The following RASAL3 variants were observed in gnomAD, a reference collection of about 807,000 sequenced individuals.
RASAL3 encodes RAS protein activator like-3.
A neutral mutation model predicts 105.5 loss-of-function variants in RASAL3; 74 were observed. That is an observed-to-expected ratio of 0.70 (90% CI 0.58 to 0.85). The LOEUF (loss-of-function observed/expected upper bound fraction) is 0.85. Ranked by LOEUF, RASAL3 falls within the 40% of genes least tolerant of loss-of-function variation. The pLI is 0.00. For missense variants in RASAL3, 1,352 were observed against 1,392.0 expected (o/e 0.97, Z 0.46); for synonymous variants, 579 against 591.6 (o/e 0.98, Z 0.31).
Position 15,452,716 on chromosome 19 carries a change from C to A in RASAL3, c.2770G>T (p.Glu924Ter). The A allele has an allele frequency of 6.4e-7, 1 of 1,554,586 alleles. No homozygotes were observed. Among genetic ancestry groups the A allele is most frequent in the Non-Finnish European group, 8.7e-7 (1 of 1,148,876 alleles). ...SLSTQIRALT[E>*]QQEQLRGQLQ... ...TGGCCCCGCAGCTGCTCCTGCTGCT[C>A]CGTCAAGGCCCGGATTTGGGTGCTC... is the stretch of plus-strand genomic sequence containing the variant. Residue 924 changes from glutamate (E) to a stop codon, truncating the protein, a stop_gained, in exon 16 of 18, where the codon GAG becomes TAG. Transcript: ENST00000343625. LOFTEE classifies it high-confidence loss of function.
chr19:15,464,225 C>T lies in RASAL3; in HGVS notation c.134G>A (p.Gly45Asp). The T allele has an allele frequency of 6.2e-7, 1 of 1,609,130 alleles. No individual in the cohort carries two copies. Residue 45 changes from glycine (G) to aspartate (D), a missense_variant, in exon 2 of 18, where the codon GGC becomes GAC. Gly to Asp is a moderately conservative substitution (Grantham distance 94). Transcript: ENST00000343625. ...AGGFRWGRFA[G>D]WGRALSHQEP... The stretch of plus-strand genomic sequence containing the variant: ...CTGGTGGCTCAGGGCCCTGCCCCAG[C>T]CAGCAAAGCGGCCCCAGCGGAACCC...
chr19:15,454,946 G>A, intron 11 of RASAL3, 53 bp from the exon 12 acceptor site: 1 of 1,376,566 alleles, frequency 7.3e-7, no homozygotes, highest in Non-Finnish European at 9.8e-7. Context: ...GGGCATAAAG[G>A]TTAAAGTCAT....
Position 15,458,571 on chromosome 19 carries a change from C to T in RASAL3, c.747G>A (p.Trp249Ter), listed in dbSNP as rs767427724. 2 of 1,613,680 alleles carry T rather than the reference C, an allele frequency of 1.2e-6. No homozygotes were observed. The highest frequency in any genetic ancestry group is 1.1e-5 in the South Asian group (1 of 91,018). The change falls in exon 7 of 18, where the codon TGG (tryptophan) becomes TGA (stop). Residue 249 changes from tryptophan to a stop codon, truncating the protein, a stop_gained. Coordinates refer to ENST00000343625, the MANE Select transcript of RASAL3 (RefSeq NM_022904.3). LOFTEE classifies it high-confidence loss of function. ...CCCCCAGGAGGCTGGGGTGCAGTGG[C>T]CAGATCCGCACATCCCGCTCGGCAC... is the stretch of plus-strand genomic sequence containing the variant. ...DLGAERDVRI[W>*]PLHPSLLGEP...
Position 15,454,172 on chromosome 19 carries a change from CAGTGGGAG to C in RASAL3, c.2248_2255del (p.Leu750AlafsTer151). On this transcript the variant is annotated frameshift_variant, in exon 14 of 18. Coordinates refer to ENST00000343625, the MANE Select transcript of RASAL3 (RefSeq NM_022904.3). LOFTEE classifies it high-confidence loss of function. ...ACCTGGAGTGGACCTGGGCCGGGGG[CAGTGGGAG>C]ACGCATTGGCACTGACACAAGCACA... 6.4e-7 allele frequency: 1 copy of C among 1,565,740 alleles called. No individual in the cohort carries two copies. Among genetic ancestry groups the C allele is most frequent in the Non-Finnish European group, 8.7e-7 (1 of 1,154,814 alleles).
Position 15,457,748 on chromosome 19 carries a change from G to C in RASAL3, c.975C>G (p.Gly325=). 2 of 1,543,250 alleles carry C rather than the reference G, an allele frequency of 1.3e-6. No homozygotes were observed. Among genetic ancestry groups the C allele is most frequent in the Non-Finnish European group, 1.7e-6 (2 of 1,144,538 alleles). The change falls in exon 9 of 18, where the codon GGC becomes GGG. Residue 325 remains glycine, a synonymous_variant. Transcript: ENST00000343625. The surrounding 1 kb of genome is among the most constrained non-coding windows in gnomAD (Gnocchi z 8.6). ...GLPRAAAGAP[G]VRAELWLDGA... ...CATCCAGCCACAGCTCGGCGCGCAC[G>C]CCGGGTGCCCCCGCCGCTGCTCGGG... is the stretch of plus-strand genomic sequence containing the variant.
In RASAL3 at chr19:15,456,235, C is replaced by A; in HGVS notation, c.1590G>T (p.Arg530=). The change falls in exon 11 of 18, where the codon CGG becomes CGT. Residue 530 remains arginine (R), a synonymous_variant. Transcript: ENST00000343625. This position sits in a 1 kb window ranked among gnomAD's most constrained non-coding sequence, Gnocchi z 4.4. ...YLQETLGQVV[R]RLCASTEDCE... ...AGTCCTCAGTAGAAGCACAGAGACGCCGCACAACCTGTCCTGCAGCCCAGC... is the reference window on the plus strand; with the variant it reads ...AGTCCTCAGTAGAAGCACAGAGACGACGCACAACCTGTCCTGCAGCCCAGC... The A allele has an allele frequency of 6.2e-7, 1 of 1,613,742 alleles. No homozygotes were observed. Among genetic ancestry groups the A allele is most frequent in the Non-Finnish European group, 8.5e-7 (1 of 1,179,756 alleles).
chr19:15,457,598 CG>C lies in RASAL3; in HGVS notation c.1124del (p.Pro375ArgfsTer106). 7.5e-7 allele frequency: 1 copy of C among 1,330,736 alleles called. No homozygotes were observed. Among genetic ancestry groups the C allele is most frequent in the Non-Finnish European group, 9.6e-7 (1 of 1,037,600 alleles). The allele number at this position is 1,330,736 out of a possible 1,614,324, so 82.4% of individuals were successfully genotyped here. A position where few individuals can be genotyped will look rare whatever the true frequency, so the allele number is the denominator to read the frequency against. On this transcript the variant is annotated frameshift_variant, in exon 9 of 18. Coordinates refer to ENST00000343625, the MANE Select transcript of RASAL3 (RefSeq NM_022904.3). LOFTEE classifies it high-confidence loss of function. This position sits in a 1 kb window ranked among gnomAD's most constrained non-coding sequence, Gnocchi z 8.6. ...RLSLRLRGLGPGSAVLGRVAL... is the reference protein window; with the variant it reads ...RLSLRLRGLGXGSAVLGRVAL... ...CCACGCGGCCCAGCACCGCGCTTCC[CG>C]GGCCCAAGCCGCGCAGCCGCAGCGA...
Position 15,457,465 on chromosome 19 carries a change from G to A in RASAL3, c.1258C>T (p.Arg420Trp). 7.3e-6 allele frequency: 10 copies of A among 1,368,298 alleles called. No individual in the cohort carries two copies. Among genetic ancestry groups the A allele is most frequent in the Non-Finnish European group, 9.4e-6 (10 of 1,061,048 alleles). The allele number at this position is 1,368,298 out of a possible 1,614,324, so 84.8% of individuals were successfully genotyped here. Residue 420 changes from arginine (R) to tryptophan (W), a missense_variant, in exon 9 of 18, where the codon CGG (arginine) becomes TGG (tryptophan). Arg to Trp is a moderately radical substitution (Grantham distance 101). This residue lies in a region of RASAL3 where 920 missense variants were observed against 919.6 expected (regional missense o/e 1.00). Coordinates refer to ENST00000343625, the MANE Select transcript of RASAL3 (RefSeq NM_022904.3). The surrounding 1 kb of genome is among the most constrained non-coding windows in gnomAD (Gnocchi z 8.6). The stretch of plus-strand genomic sequence containing the variant: ...GGCAGCACGCGCAGGCGACGCGCCC[G>A]AATCCGCGCCCGCAGCGCTGCGCCC... ...PAGAALRARI[R>W]ARRLRVLPSE...
At position 15,453,692 on chromosome 19, in the gene RASAL3, C is replaced by T. The variant is rs1970231328; in HGVS notation, c.2280-195G>A. 6.6e-6 allele frequency among the ~76,000 whole-genome samples: 1 copy of T among 151,878 alleles called. No individual in the cohort carries two copies. Among genetic ancestry groups the T allele is most frequent in the African/African-American group, 2.4e-5 (1 of 41,314 alleles). ...CTCACTGCAGCCTTGAATTCTGGAG[C>T]TCAAGCTATTCCCCAGCCTCAGCCT... On this transcript the variant is annotated intron_variant, in intron 14 of 17. Coordinates refer to ENST00000343625, the MANE Select transcript of RASAL3 (RefSeq NM_022904.3). The surrounding 1 kb of genome is among the most constrained non-coding windows in gnomAD (Gnocchi z 4.2).
At position 15,454,282 on chromosome 19, in the gene RASAL3, AG is replaced by A; in HGVS notation, c.2161-16del. The A allele has an allele frequency of 2.6e-6, 4 of 1,564,616 alleles. No homozygotes were observed. The highest frequency in any genetic ancestry group is 3.5e-6 in the Non-Finnish European group (4 of 1,154,144). ...TCTCGGGTTGTCTGGTGAGGCATGC[AG>A]GACAGAGACTGAGCAAAGTCTCCAG... On this transcript the variant is annotated splice_polypyrimidine_tract_variant and intron_variant, in intron 13 of 17. Coordinates refer to ENST00000343625, the MANE Select transcript of RASAL3 (RefSeq NM_022904.3).
chr19:15,458,784 C>CCCCCCCCCCCCCCCG (rs1970416063), intron 6 of RASAL3, 129 bp from the exon 7 acceptor site: 1 of 1,172,260 alleles, frequency 8.5e-7, no homozygotes, highest in Admixed American at 3.0e-5. Flanking sequence ...GTGCCCCCCC[C>CCCCCCCCCCCCCCCG]ACCCCCCGCC....
At position 15,453,342 on chromosome 19, in the gene RASAL3, C is replaced by T. The variant is rs1970218581; in HGVS notation, c.2435G>A (p.Arg812Gln). The T allele has an allele frequency of 7.0e-7, 1 of 1,426,446 alleles. No individual in the cohort carries two copies. Among genetic ancestry groups the T allele is most frequent in the Admixed American group, 3.5e-5 (1 of 28,674 alleles). 88.4% of individuals were successfully genotyped at this position (1,426,446 alleles called of 1,614,324 possible). A position where few individuals can be genotyped will look rare whatever the true frequency, so the allele number is the denominator to read the frequency against. The part of the protein sequence containing the change: ...PDEERPLRRP[R>Q]PVQRTQSVPV... ...GACACTCTGCGTGCGCTGCACCGGC[C>T]GGGGCCGCCGCAGGGGCCGCTCTTC... The change falls in exon 15 of 18, where the codon CGG (arginine) becomes CAG (glutamine). Residue 812 changes from arginine to glutamine, a missense_variant. Physicochemically the swap from Arg to Gln is conservative, Grantham distance 43. This residue lies in a region of RASAL3 where 920 missense variants were observed against 919.6 expected (regional missense o/e 1.00). Transcript: ENST00000343625. The surrounding 1 kb of genome is among the most constrained non-coding windows in gnomAD (Gnocchi z 4.2).
rs1568325343 is a variant in RASAL3 at position 15,454,252 on chromosome 19, G to C, written c.2176C>G (p.Leu726Val). 6.4e-7 allele frequency: 1 copy of C among 1,564,256 alleles called. No individual in the cohort carries two copies. Among genetic ancestry groups the C allele is most frequent in the Non-Finnish European group, 8.7e-7 (1 of 1,154,300 alleles). The change falls in exon 14 of 18, where the codon CTG becomes GTG. Residue 726 changes from leucine (L) to valine (V), a missense_variant. Physicochemically the swap from Leu to Val is conservative, Grantham distance 32. This residue lies in a region of RASAL3 where 920 missense variants were observed against 919.6 expected (regional missense o/e 1.00). Coordinates refer to ENST00000343625, the MANE Select transcript of RASAL3 (RefSeq NM_022904.3). ...AELDQTTRDT[L>V]EPLPTILRAI... ...CGCAGGATGGTGGGCAGTGGTTCCA[G>C]GGTGTCTCGGGTTGTCTGGTGAGGC...
At position 15,454,453 on chromosome 19, in the gene RASAL3, C is replaced by T. The variant is rs756941364; in HGVS notation, c.2068G>A (p.Ala690Thr). 3.1e-6 allele frequency: 5 copies of T among 1,613,888 alleles called. No individual in the cohort carries two copies. Among genetic ancestry groups the T allele is most frequent in the East Asian group, 2.2e-5 (1 of 44,906 alleles). The change falls in exon 13 of 18, where the codon GCC (alanine) becomes ACC (threonine). Residue 690 changes from alanine to threonine, a missense_variant. Around this residue, in one of 3 missense-constraint regions of RASAL3, gnomAD observed 920 missense variants for 919.6 expected, o/e 1.00. Transcript: ENST00000343625. Reference sequence around the variant, plus strand: ...CCACTGCCCTGGTAACCACTGGGGGCAGCATCCACATCCACCATGGCTACC... The same window carrying T: ...CCACTGCCCTGGTAACCACTGGGGGTAGCATCCACATCCACCATGGCTACC... ...DQVAMVDVDA[A>T]PSGYQGSGDL...
At position 15,451,735 on chromosome 19, in the gene RASAL3, C is replaced by A. The variant is rs1446907842; in HGVS notation, c.*60G>T. On this transcript the variant is annotated 3_prime_UTR_variant, in exon 18 of 18. Coordinates refer to ENST00000343625, the MANE Select transcript of RASAL3 (RefSeq NM_022904.3). The stretch of plus-strand genomic sequence containing the variant: ...TAGGGCTAAGGCAAAGTCAGACACC[C>A]CCCCTAAGATGGCTATCTCTCTGCT... 3 of 1,534,092 alleles carry A rather than the reference C, an allele frequency of 2.0e-6. No homozygotes were observed. The highest frequency in any genetic ancestry group is 2.7e-5 in the African/African-American group (2 of 73,088).
intron 3 of RASAL3, 87 bp from the exon 4 acceptor site, chr19:15,461,383 C>A: frequency 6.6e-7 from 1 of 1,524,728 alleles, no homozygotes. Flanking sequence ...GACACCTTCC[C>A]ATTATCCTCC....
Position 15,457,824 on chromosome 19 carries a change from T to C in RASAL3, c.899A>G (p.Glu300Gly), listed in dbSNP as rs1277291217. The C allele has an allele frequency of 6.5e-7, 1 of 1,548,802 alleles. No individual in the cohort carries two copies. Among genetic ancestry groups the C allele is most frequent in the East Asian group, 2.4e-5 (1 of 40,876 alleles). Residue 300 changes from glutamate (E) to glycine (G), a missense_variant, in exon 9 of 18, where the codon GAG becomes GGG. Physicochemically the swap from Glu to Gly is moderately conservative, Grantham distance 98 (BLOSUM62 -2). Around this residue, in one of 3 missense-constraint regions of RASAL3, gnomAD observed 88 missense variants for 132.7 expected, o/e 0.66. Coordinates refer to ENST00000343625, the MANE Select transcript of RASAL3 (RefSeq NM_022904.3). The surrounding 1 kb of genome is among the most constrained non-coding windows in gnomAD (Gnocchi z 8.6). ...CACGCTCAGCCATGTCTCTTCCCGC[T>C]CCACGTTGTCCTGCAGATGGGAGTG... ...RQFQPTQDNVEREETWLSVWV... is the reference protein window; with the variant it reads ...RQFQPTQDNVGREETWLSVWV...
intron 5 of RASAL3, 68 bp from the exon 6 acceptor site, chr19:15,460,326 C>T: frequency 6.8e-7 from 1 of 1,465,942 alleles, no homozygotes; most frequent in Non-Finnish European, 9.4e-7. Context: ...CCTCCCAAGA[C>T]ATCCCAGAGG....
chr19:15,454,003 A>C, intron 14 of RASAL3, 146 bp downstream of exon 14: 1 of 654,218 alleles, frequency 1.5e-6, no homozygotes, highest in Non-Finnish European at 2.7e-6. Flanking sequence ...GTGACCTTTG[A>C]CCCAACCCTT....
Sources: allele counts gnomAD v4.1 joint callset (sites outside exome capture counted in the v4.1 genomes callset), GRCh38; gene constraint gnomAD v4.1.1; regional missense constraint gnomAD v4.1.1; non-coding constraint Gnocchi (gnomAD v3.1); transcripts MANE v1.5; gene names NCBI Gene and HGNC (gene_info 2026-07-23, HGNC 2026-07-21).